Variants in NSD3 observed in about 807,000 individuals in gnomAD.
The protein encoded by NSD3 is histone-lysine N-methyltransferase NSD3.
Under a neutral mutation model 160.8 loss-of-function variants are expected in NSD3, and 24 were observed. The ratio of observed to expected loss-of-function variants is 0.15; its 90% CI spans 0.11 to 0.21. NSD3 has a LOEUF of 0.21. NSD3 is among the 10% of genes least tolerant of loss of function. The pLI, the probability that NSD3 is intolerant of heterozygous loss-of-function variation, is 1.00. For synonymous variants in NSD3, 520 were observed against 600.0 expected, an observed-to-expected ratio of 0.87 and a Z score of 1.95; for missense variants, 1,157 against 1,735.9, an observed-to-expected ratio of 0.67 and a Z score of 5.93.
At chr8:38,304,807 T>C (rs749837363) in intron 13 of NSD3, 50 bp from the exon 14 acceptor site, 12 of 1,532,312 alleles carry the variant, frequency 7.8e-6, no homozygotes, top group South Asian at 2.5e-5. Flanking sequence ...CAGCGGGACA[T>C]AAAAATAAGT....
chr8:38,291,743 C>G (rs1809001241), intron 16 of NSD3, among the ~76,000 whole-genome samples: 1 of 152,214 alleles, frequency 6.6e-6, no homozygotes, highest in Admixed American at 6.5e-5. Flanking sequence ...TATACAGTTA[C>G]TGCCTTCACT....
intron 14 of NSD3, chr8:38,303,099 A>G (rs1454286663): frequency 2.7e-6 from 1 of 367,160 alleles, no homozygotes; most frequent in Non-Finnish European, 3.8e-6. Flanking sequence ...GCATGCTTAT[A>G]CACTGACAGG....
chr8:38,277,309 G>A (rs918209827), intron 22 of NSD3, among the ~76,000 whole-genome samples: 2 of 152,012 alleles, frequency 1.3e-5, no homozygotes, highest in Non-Finnish European at 2.9e-5. Flanking sequence ...ATGGAGTCTC[G>A]CTCTGTCGCC....
Position 38,274,951 on chromosome 8 carries a change from C to G in NSD3, c.*690G>C, listed in dbSNP as rs538719611. On this transcript the variant is annotated 3_prime_UTR_variant, in exon 24 of 24. Coordinates refer to ENST00000317025, the MANE Select transcript of NSD3 (RefSeq NM_023034.2). Reference sequence around the variant, plus strand: ...TCCACCAAGGAAACACACCATATACCCTTCTAGGTAAAGTTACCATAGTAC... The same window carrying G: ...TCCACCAAGGAAACACACCATATACGCTTCTAGGTAAAGTTACCATAGTAC... 4.9e-6 allele frequency: 1 copy of G among 202,066 alleles called. No individual in the cohort carries two copies. Among genetic ancestry groups the G allele is most frequent in the South Asian group, 1.9e-4 (1 of 5,260 alleles). 12.5% of individuals were successfully genotyped at this position (202,066 alleles called of 1,614,324 possible). A position where few individuals can be genotyped will look rare whatever the true frequency, so the allele number is the denominator to read the frequency against.
chr8:38,297,099 A>T (rs1029613527), intron 15 of NSD3, among the ~76,000 whole-genome samples: 1 of 152,228 alleles, frequency 6.6e-6, no homozygotes, highest in Non-Finnish European at 1.5e-5. Flanking sequence ...TTTTGTTTAC[A>T]TAAGTCTCTT....
intron 1 of NSD3, among the ~76,000 whole-genome samples, chr8:38,364,420 A>G (rs947707562): frequency 6.6e-6 from 1 of 152,232 alleles, no homozygotes; most frequent in Non-Finnish European, 1.5e-5. Flanking sequence ...ATTAGATTTT[A>G]ATTGCTGGTA....
Position 38,279,752 on chromosome 8 carries a change from G to C in NSD3, c.3619-71C>G, listed in dbSNP as rs552825743. On this transcript the variant is annotated intron_variant, in intron 20 of 23. Coordinates refer to ENST00000317025, the MANE Select transcript of NSD3 (RefSeq NM_023034.2). ...CCCAGAAACATCCAACTCAGTCAAGGATCACAGGCAGCAGCATTTTGCTAC... is the reference window on the plus strand; with the variant it reads ...CCCAGAAACATCCAACTCAGTCAAGCATCACAGGCAGCAGCATTTTGCTAC... The C allele has an allele frequency of 4.0e-6, 6 of 1,517,144 alleles. No homozygotes were observed. The African/African-American group carries it at 6.9e-5, about 17-fold the overall frequency. 94.0% of individuals were successfully genotyped at this position (1,517,144 alleles called of 1,614,324 possible).
intron 11 of NSD3, 63 bp downstream of exon 11, chr8:38,315,353 A>C: frequency 6.8e-7 from 1 of 1,466,184 alleles, no homozygotes; most frequent in East Asian, 2.5e-5. Context: ...ACAGGAGTTA[A>C]GTCTATTACT....
At chr8:38,307,438 C>A (rs557272102) in intron 12 of NSD3, among the ~76,000 whole-genome samples, 1 of 152,286 alleles carries the variant, frequency 6.6e-6, no homozygotes, top group African/African-American at 2.4e-5. Context: ...AGTACATTCA[C>A]TTTCTGCCTA....
At chr8:38,369,462 T>TG (rs1391307673) in intron 1 of NSD3, among the ~76,000 whole-genome samples, 1 of 152,258 alleles carries the variant, frequency 6.6e-6, no homozygotes, top group Admixed American at 6.5e-5. Flanking sequence ...TATTAGTTGA[T>TG]GTTCAACTTT....
chr8:38,315,694 T>C (rs1420327642), intron 10 of NSD3, 150 bp from the exon 11 acceptor site: 6 of 1,278,488 alleles, frequency 4.7e-6, no homozygotes, highest in Non-Finnish European at 5.3e-6. Flanking sequence ...TCCACAGATA[T>C]CATAGGTCTG....
intron 14 of NSD3, 135 bp downstream of exon 14, chr8:38,304,451 AT>A: frequency 1.4e-6 from 1 of 711,098 alleles, no homozygotes; most frequent in Admixed American, 2.7e-5. Flanking sequence ...TCAGGGATAT[AT>A]TACAGTGGAA....
Position 38,317,966 on chromosome 8 carries a change from G to A in NSD3, c.1855+929C>T. The A allele has an allele frequency of 6.2e-7, 1 of 1,614,188 alleles. No individual in the cohort carries two copies. Among genetic ancestry groups the A allele is most frequent in the Non-Finnish European group, 8.5e-7 (1 of 1,180,038 alleles). ...AATTGTACAGGAATCTCAGTCCACA[G>A]TTTCCTCAATCGCTGCGGAGACGGA... On this transcript the variant is annotated intron_variant, in intron 9 of 23. Coordinates refer to ENST00000317025, the MANE Select transcript of NSD3 (RefSeq NM_023034.2). This position sits in a 1 kb window ranked among gnomAD's most constrained non-coding sequence, Gnocchi z 5.3.
At chr8:38,323,391 AT>A (rs1375200918) in intron 7 of NSD3, among the ~76,000 whole-genome samples, 1 of 152,102 alleles carries the variant, frequency 6.6e-6, no homozygotes, top group Non-Finnish European at 1.5e-5. Context: ...TACAACCTAA[AT>A]TCTACGTTCC....
Position 38,316,622 on chromosome 8 carries a change from C to G in NSD3, c.1856-580G>C. 1 of 1,052,982 alleles carries G rather than the reference C, an allele frequency of 9.5e-7. No homozygotes were observed. The highest frequency in any genetic ancestry group is 1.1e-6 in the Non-Finnish European group (1 of 871,630). 65.2% of individuals were successfully genotyped at this position (1,052,982 alleles called of 1,614,324 possible). A position where few individuals can be genotyped will look rare whatever the true frequency, so the allele number is the denominator to read the frequency against. On this transcript the variant is annotated intron_variant, in intron 9 of 23. Coordinates refer to ENST00000317025, the MANE Select transcript of NSD3 (RefSeq NM_023034.2). This position sits in a 1 kb window ranked among gnomAD's most constrained non-coding sequence, Gnocchi z 4.5. Reference sequence around the variant, plus strand: ...TTGGTGAAGTGGCATTTATTGTGACCATTAACAAGCGCTGCAGCACATCTA... The same window carrying G: ...TTGGTGAAGTGGCATTTATTGTGACGATTAACAAGCGCTGCAGCACATCTA...
intron 1 of NSD3, among the ~76,000 whole-genome samples, chr8:38,360,432 G>T (rs189466889): frequency 1.7e-4 from 26 of 152,166 alleles, no homozygotes; most frequent in African/African-American, 5.5e-4. Context: ...AAAATTATGA[G>T]GTTTGAAAAG....
At chr8:38,354,596 G>A (rs543816053) in intron 1 of NSD3, among the ~76,000 whole-genome samples, 4 of 152,214 alleles carry the variant, frequency 2.6e-5, no homozygotes, top group Admixed American at 2.6e-4. Flanking sequence ...AATGGTTGAG[G>A]ATTTTAAAAA....
chr8:38,282,777 T>C (rs994460801), intron 19 of NSD3, among the ~76,000 whole-genome samples: 1 of 149,800 alleles, frequency 6.7e-6, no homozygotes, highest in Admixed American at 6.6e-5. Context: ...CAGATTCTCT[T>C]GAGATCTACC....
At chr8:38,298,704 C>T (rs1809212594) in intron 15 of NSD3, among the ~76,000 whole-genome samples, 1 of 152,150 alleles carries the variant, frequency 6.6e-6, no homozygotes, top group Non-Finnish European at 1.5e-5. Flanking sequence ...CCAAATAATA[C>T]ATCATTGTTA....
Sources: gnomAD v4.1 joint callset for allele counts (sites outside exome capture counted in the v4.1 genomes callset) on GRCh38, gnomAD v4.1.1 for gene constraint, Gnocchi (gnomAD v3.1) non-coding constraint, MANE v1.5 for transcripts, NCBI Gene and HGNC (gene_info 2026-07-23, HGNC 2026-07-21) for gene names.